Variants in CAMSAP1 observed in about 807,000 individuals in gnomAD.
CAMSAP1 encodes calmodulin-regulated spectrin-associated protein 1.
A neutral mutation model predicts 143.5 loss-of-function variants in CAMSAP1; 58 were observed. The observed-to-expected ratio is 0.40, with a 90% confidence interval of 0.33 to 0.50. CAMSAP1 has a LOEUF of 0.50. Among genes scored for constraint, CAMSAP1 ranks in the 20% least tolerant of loss-of-function variants. The probability of loss-of-function intolerance (pLI) is 0.45; values close to 1 mark genes in which losing one functional copy is unlikely to be tolerated. For missense variants in CAMSAP1, 1,969 were observed against 2,115.7 expected (o/e 0.93, Z 1.36); for synonymous variants, 945 against 859.3 (o/e 1.10, Z -1.74).
Position 135,907,218 on chromosome 9 carries a change from C to T in CAMSAP1, c.-59G>A, listed in dbSNP as rs1838813262. On this transcript the variant is annotated 5_prime_UTR_variant, in exon 1 of 17. Coordinates refer to ENST00000389532, the MANE Select transcript of CAMSAP1 (RefSeq NM_015447.4). Reference sequence around the variant, plus strand: ...GCAACAAAGGCGCCGCCGCCCCTCGCCGCGCCGGGCCCGGTGCGCCCCGAG... The same window carrying T: ...GCAACAAAGGCGCCGCCGCCCCTCGTCGCGCCGGGCCCGGTGCGCCCCGAG... The T allele has an allele frequency of 8.9e-6, 9 of 1,008,670 alleles. No homozygotes were observed. The African/African-American group carries it at 1.4e-4, about 16-fold the overall frequency. The allele number at this position is 1,008,670 out of a possible 1,614,324, so 62.5% of individuals were successfully genotyped here.
At chr9:135,814,820 CTA>C (rs1835172848) in intron 16 of CAMSAP1, among the ~76,000 whole-genome samples, 1 of 152,194 alleles carries the variant, frequency 6.6e-6, no homozygotes, top group South Asian at 2.1e-4. Flanking sequence ...CTGAGTAGAA[CTA>C]TGTCTTTCCT....
At chr9:135,890,726 C>A (rs761165016) in intron 1 of CAMSAP1, among the ~76,000 whole-genome samples, 1 of 152,190 alleles carries the variant, frequency 6.6e-6, no homozygotes, top group African/African-American at 2.4e-5. Context: ...TGGAAGCCAA[C>A]GGAAACTCCC....
intron 1 of CAMSAP1, among the ~76,000 whole-genome samples, chr9:135,883,480 T>C (rs770883334): frequency 6.6e-5 from 10 of 152,198 alleles, no homozygotes; most frequent in South Asian, 2.1e-4. Context: ...TAGGACCATG[T>C]AGTGCCTGGG....
chr9:135,822,206 C>T lies in CAMSAP1; in HGVS notation c.2455G>A (p.Glu819Lys). The T allele has an allele frequency of 1.2e-6, 2 of 1,613,996 alleles. No homozygotes were observed. Among genetic ancestry groups the T allele is most frequent in the Non-Finnish European group, 8.5e-7 (1 of 1,179,904 alleles). ...CTGTTGAGTCTCTGGAGCTTCCTCT[C>T]CGCAAAGCTGGTCATCTTCACGCTC... ...SGSVKMTSFAERKLQRLNSCE... is the reference protein window; with the variant it reads ...SGSVKMTSFAKRKLQRLNSCE... Residue 819 changes from glutamate to lysine, a missense_variant, in exon 11 of 17, where the codon GAG becomes AAG. Glu to Lys is a moderately conservative substitution (Grantham distance 56). Coordinates refer to ENST00000389532, the MANE Select transcript of CAMSAP1 (RefSeq NM_015447.4). This position sits in a 1 kb window ranked among gnomAD's most constrained non-coding sequence, Gnocchi z 6.1.
At chr9:135,905,771 G>A (rs532192313) in intron 1 of CAMSAP1, among the ~76,000 whole-genome samples, 2 of 152,372 alleles carry the variant, frequency 1.3e-5, no homozygotes, top group African/African-American at 4.8e-5. Flanking sequence ...CAAGGTGTGA[G>A]GCAGGTGAGC....
intron 7 of CAMSAP1, among the ~76,000 whole-genome samples, chr9:135,841,715 G>C (rs1836359490): frequency 6.6e-6 from 1 of 152,364 alleles, no homozygotes; most frequent in East Asian, 1.9e-4. Context: ...AACAGGGTTT[G>C]GAGTGGACCT....
intron 5 of CAMSAP1, among the ~76,000 whole-genome samples, chr9:135,857,389 T>C (rs1291988320): frequency 6.6e-6 from 1 of 152,186 alleles, no homozygotes; most frequent in Non-Finnish European, 1.5e-5. Context: ...AGCAACCAAA[T>C]ATTTCCTTCC....
intron 1 of CAMSAP1, among the ~76,000 whole-genome samples, chr9:135,906,537 G>A (rs1406635869): frequency 6.6e-6 from 1 of 152,212 alleles, no homozygotes; most frequent in Non-Finnish European, 1.5e-5. Flanking sequence ...TTTCTAGTTG[G>A]GGAATTCAAC....
rs1006426617 is a variant in CAMSAP1, at chr9:135,818,281, G to A, written c.4168+127C>T. 2 of 1,143,918 alleles carry A rather than the reference G, an allele frequency of 1.7e-6. No individual in the cohort carries two copies. The highest frequency in any genetic ancestry group is 1.5e-5 in the South Asian group (1 of 64,988). The allele number at this position is 1,143,918 out of a possible 1,614,324, so 70.9% of individuals were successfully genotyped here. A position where few individuals can be genotyped will look rare whatever the true frequency, so the allele number is the denominator to read the frequency against. ...GTCTCAACATTGTCATCCATGAAAC[G>A]GGGATAATCATCTCCACCCTTCCCG... On this transcript the variant is annotated intron_variant, in intron 13 of 16. Transcript: ENST00000389532. This position sits in a 1 kb window ranked among gnomAD's most constrained non-coding sequence, Gnocchi z 7.7.
chr9:135,851,291 G>GA (rs1198420645), intron 5 of CAMSAP1, among the ~76,000 whole-genome samples: 1 of 152,088 alleles, frequency 6.6e-6, no homozygotes, highest in Non-Finnish European at 1.5e-5. Context: ...TATTTCTAAG[G>GA]AAAAAACCAT....
intron 7 of CAMSAP1, among the ~76,000 whole-genome samples, chr9:135,831,939 T>C (rs1050348870): frequency 2.0e-5 from 3 of 152,084 alleles, no homozygotes; most frequent in Non-Finnish European, 2.9e-5. Flanking sequence ...AATAAAGAGA[T>C]TGAAGCAGTA....
At chr9:135,871,436 C>T (rs1837567364) in intron 3 of CAMSAP1, among the ~76,000 whole-genome samples, 1 of 152,182 alleles carries the variant, frequency 6.6e-6, no homozygotes, top group Non-Finnish European at 1.5e-5. Flanking sequence ...AATCCTCCCA[C>T]CTCAGCCTAC....
At position 135,850,213 on chromosome 9, in the gene CAMSAP1, A is replaced by G; in HGVS notation, c.969T>C (p.Ile323=). 6.2e-7 allele frequency: 1 copy of G among 1,613,288 alleles called. No homozygotes were observed. Among genetic ancestry groups the G allele is most frequent in the Non-Finnish European group, 8.5e-7 (1 of 1,179,608 alleles). ...TCTCGAACCACCAAAAAAGCTCCGCAATAAAAACCATAACATTCGGCTAAA... is the reference window on the plus strand; with the variant it reads ...TCTCGAACCACCAAAAAAGCTCCGCGATAAAAACCATAACATTCGGCTAAA... ...LVLKPNVMVF[I]AELFWWFENV... The change falls in exon 7 of 17, where the codon ATT becomes ATC. Residue 323 remains isoleucine (I), a synonymous_variant. Coordinates refer to ENST00000389532, the MANE Select transcript of CAMSAP1 (RefSeq NM_015447.4).
intron 1 of CAMSAP1, among the ~76,000 whole-genome samples, chr9:135,891,080 C>G (rs1222867894): frequency 6.6e-6 from 1 of 152,172 alleles, no homozygotes; most frequent in Non-Finnish European, 1.5e-5. Flanking sequence ...CTGGCTGGAC[C>G]TGAGGGCAGC....
intron 5 of CAMSAP1, 124 bp from the exon 6 acceptor site, chr9:135,850,585 T>C: frequency 1.3e-6 from 1 of 746,704 alleles, no homozygotes; most frequent in South Asian, 2.0e-5. Context: ...CATTGAGAGA[T>C]GTAGGGAGTA....
chr9:135,890,646 C>T (rs1392689647), intron 1 of CAMSAP1, among the ~76,000 whole-genome samples: 14 of 152,200 alleles, frequency 9.2e-5, no homozygotes, highest in Admixed American at 6.5e-5. Flanking sequence ...GACTAGAGCA[C>T]GGCTCTGAGG....
At chr9:135,875,559 T>A (rs1304495514) in intron 3 of CAMSAP1, among the ~76,000 whole-genome samples, 1 of 152,200 alleles carries the variant, frequency 6.6e-6, no homozygotes, top group Non-Finnish European at 1.5e-5. Flanking sequence ...AGACTTAACA[T>A]TGTCCAATTT....
At chr9:135,837,163 C>CTT (rs1836092430) in intron 7 of CAMSAP1, among the ~76,000 whole-genome samples, 1 of 152,092 alleles carries the variant, frequency 6.6e-6, no homozygotes, top group South Asian at 2.1e-4. Flanking sequence ...TCTACCCCTT[C>CTT]TACAGATACA....
At position 135,809,868 on chromosome 9, in the gene CAMSAP1, T is replaced by G. The variant is rs1406663377; in HGVS notation, c.*1441A>C. On this transcript the variant is annotated 3_prime_UTR_variant, in exon 17 of 17. Transcript: ENST00000389532. ...GGGGAATAAGACCTATAATTCCTTC[T>G]AGCCTTCTGTACCATGTTCCCTCCT... is the stretch of plus-strand genomic sequence containing the variant. The G allele has an allele frequency of 6.6e-6, 1 of 152,606 alleles. No individual in the cohort carries two copies. Among genetic ancestry groups the G allele is most frequent in the Admixed American group, 6.5e-5 (1 of 15,284 alleles). The allele number at this position is 152,606 out of a possible 1,614,324, so 9.5% of individuals were successfully genotyped here.
Sources: gnomAD v4.1 joint callset for allele counts (sites outside exome capture counted in the v4.1 genomes callset) on GRCh38, gnomAD v4.1.1 for gene constraint, Gnocchi (gnomAD v3.1) non-coding constraint, MANE v1.5 for transcripts, NCBI Gene and HGNC (gene_info 2026-07-23, HGNC 2026-07-21) for gene names.